The following RAD54B variants were observed in gnomAD, a reference collection of about 807,000 sequenced individuals.
RAD54B encodes RAD54 homolog B.
RAD54B carries 78 observed loss-of-function variants against 95.8 expected under a neutral mutation model. The ratio of observed to expected loss-of-function variants is 0.81; its 90% CI spans 0.68 to 0.98. RAD54B has a LOEUF of 0.98. Among genes scored for constraint, RAD54B ranks in the 50% least tolerant of loss-of-function variants. The pLI is 0.00. For synonymous variants in RAD54B, 328 were observed against 354.9 expected, an observed-to-expected ratio of 0.92 and a Z score of 0.85; for missense variants, 957 against 1,056.6, an observed-to-expected ratio of 0.91 and a Z score of 1.31.
At chr8:94,473,334 C>CT (rs1813214329) in intron 1 of RAD54B, among the ~76,000 whole-genome samples, 1 of 152,164 alleles carries the variant, frequency 6.6e-6, no homozygotes, top group Non-Finnish European at 1.5e-5. Flanking sequence ...GTACTTGGCA[C>CT]TACACTGTGG....
intron 11 of RAD54B, among the ~76,000 whole-genome samples, chr8:94,382,962 G>C (rs1014856606): frequency 1.3e-5 from 2 of 152,078 alleles, no homozygotes; most frequent in Non-Finnish European, 2.9e-5. Flanking sequence ...TTTCTTTATA[G>C]CAGTGTGAAA....
At chr8:94,426,686 T>C (rs902106132) in intron 3 of RAD54B, among the ~76,000 whole-genome samples, 2 of 152,146 alleles carry the variant, frequency 1.3e-5, no homozygotes, top group Non-Finnish European at 2.9e-5. Flanking sequence ...AGGACAATGG[T>C]TGCCTGACGT....
At chr8:94,421,872 T>G (rs1308561247) in intron 3 of RAD54B, among the ~76,000 whole-genome samples, 1 of 152,248 alleles carries the variant, frequency 6.6e-6, no homozygotes, top group African/African-American at 2.4e-5. Flanking sequence ...GCCACCTCTA[T>G]TCTCTAAAAC....
chr8:94,462,191 A>T (rs1164875304), intron 2 of RAD54B, among the ~76,000 whole-genome samples: 1 of 152,208 alleles, frequency 6.6e-6, no homozygotes, highest in Non-Finnish European at 1.5e-5. Context: ...GGCACATAAT[A>T]TCGGTTTGTT....
chr8:94,451,083 A>G (rs912893357), intron 3 of RAD54B, among the ~76,000 whole-genome samples: 3 of 152,212 alleles, frequency 2.0e-5, no homozygotes, highest in East Asian at 1.9e-4. Flanking sequence ...GCTAAAAGCA[A>G]TAACACTGCA....
chr8:94,380,543 T>C (rs553289837), intron 11 of RAD54B, 137 bp from the exon 12 acceptor site: 14 of 913,390 alleles, frequency 1.5e-5, no homozygotes, highest in South Asian at 1.5e-4. Flanking sequence ...AATTAAAACA[T>C]AGGTATTCCT....
intron 1 of RAD54B, among the ~76,000 whole-genome samples, chr8:94,474,164 T>C (rs1297495288): frequency 6.6e-6 from 1 of 152,176 alleles, no homozygotes; most frequent in Non-Finnish European, 1.5e-5. Context: ...AGCTAAACAT[T>C]GGGCATTCAT....
chr8:94,421,647 T>C lies in RAD54B; in HGVS notation c.305-10332A>G, dbSNP rs375672857. Among the ~76,000 whole-genome samples, 193 of 152,342 alleles carry C rather than the reference T, an allele frequency of 1.3e-3. 1 individual carries two copies. Among genetic ancestry groups the C allele is most frequent in the African/African-American group, 4.4e-3 (184 of 41,572 alleles). On this transcript the variant is annotated intron_variant, in intron 3 of 14. Coordinates refer to ENST00000336148, the MANE Select transcript of RAD54B (RefSeq NM_012415.3). ...TTGGTTTCCCCATGTCTCGTCCTTA[T>C]ACAAGCCAGAAAACTGGAAATCATC...
chr8:94,447,810 G>A lies in RAD54B; in HGVS notation c.304+10458C>T, dbSNP rs1209166446. On this transcript the variant is annotated intron_variant, in intron 3 of 14. Transcript: ENST00000336148. ...TGGGATCCATCATTTAACATGAGTG[G>A]AGCCAGTCTAAGAATGCAACCCATC... 2.6e-5 allele frequency among the ~76,000 whole-genome samples: 4 copies of A among 152,116 alleles called. No homozygotes were observed. In the East Asian group the frequency reaches 7.7e-4, roughly 29 times the overall value.
intron 3 of RAD54B, chr8:94,432,050 G>GT (rs759938390): frequency 3.5e-6 from 5 of 1,446,746 alleles, no homozygotes; most frequent in Non-Finnish European, 4.5e-6. Context: ...TCAAGAACGT[G>GT]TATTCTGTTT....
intron 3 of RAD54B, among the ~76,000 whole-genome samples, chr8:94,438,542 G>T: frequency 6.6e-6 from 1 of 152,124 alleles, no homozygotes; most frequent in Non-Finnish European, 1.5e-5. Flanking sequence ...AACATTAAAA[G>T]AGAACCAAAG....
At chr8:94,404,947 G>T (rs1304888477) in intron 5 of RAD54B, among the ~76,000 whole-genome samples, 1 of 152,100 alleles carries the variant, frequency 6.6e-6, no homozygotes, top group East Asian at 1.9e-4. Context: ...CCAAGTACCT[G>T]GGATTACAGG....
At position 94,467,530 on chromosome 8, in the gene RAD54B, A is replaced by G; in HGVS notation, c.10T>C (p.Ser4Pro). MRR[S>P]AAPSQLQGNS... is the part of the protein sequence containing the mutation. ...CCCTGCAACTGACTTGGTGCTGCAG[A>G]TCGTCTCATATTCAGCAGTCGTGAC... Residue 4 changes from serine (S) to proline (P), a missense_variant, in exon 2 of 15, where the codon TCT (serine) becomes CCT (proline). Ser to Pro is a moderately conservative substitution (Grantham distance 74). Transcript: ENST00000336148. 1 of 1,612,414 alleles carries G rather than the reference A, an allele frequency of 6.2e-7. No individual in the cohort carries two copies. The highest frequency in any genetic ancestry group is 1.1e-5 in the South Asian group (1 of 90,924).
intron 3 of RAD54B, among the ~76,000 whole-genome samples, chr8:94,424,336 C>T (rs1586158390): frequency 6.6e-6 from 1 of 152,118 alleles, no homozygotes; most frequent in African/African-American, 2.4e-5. Context: ...ATACTTACCT[C>T]GCAAACCTAC....
chr8:94,461,443 A>G (rs1376182683), intron 2 of RAD54B, among the ~76,000 whole-genome samples: 1 of 151,802 alleles, frequency 6.6e-6, no homozygotes, highest in Non-Finnish European at 1.5e-5. Context: ...TGCTGGGATT[A>G]CAGGCGTGAG....
chr8:94,437,740 A>T (rs747117604), intron 3 of RAD54B, among the ~76,000 whole-genome samples: 32 of 152,186 alleles, frequency 2.1e-4, no homozygotes, highest in Non-Finnish European at 4.3e-4. Flanking sequence ...CCACATACAA[A>T]ATCACATTTG....
chr8:94,416,303 G>A (rs1406159486), intron 3 of RAD54B, among the ~76,000 whole-genome samples: 2 of 151,848 alleles, frequency 1.3e-5, no homozygotes, highest in Non-Finnish European at 2.9e-5. Context: ...ACTCATAGAT[G>A]GGAATTGAAC....
intron 3 of RAD54B, chr8:94,430,448 T>C: frequency 1.0e-6 from 1 of 985,016 alleles, no homozygotes; most frequent in Non-Finnish European, 1.2e-6. Context: ...CCAAGCGAGG[T>C]TCCAAAATAC....
chr8:94,404,343 G>A (rs949949917), intron 5 of RAD54B, 104 bp from the exon 6 acceptor site: 7 of 1,145,740 alleles, frequency 6.1e-6, no homozygotes, highest in African/African-American at 3.2e-5. Flanking sequence ...CATCATTTGT[G>A]GCCAAAAAAG....
Sources: gnomAD v4.1 joint callset for allele counts (sites outside exome capture counted in the v4.1 genomes callset) on GRCh38, gnomAD v4.1.1 for gene constraint, MANE v1.5 for transcripts, NCBI Gene and HGNC (gene_info 2026-07-23, HGNC 2026-07-21) for gene names.